Variants in TRPM3 observed in about 807,000 individuals in gnomAD.
TRPM3 encodes the protein long transient receptor potential channel 3.
A neutral mutation model predicts 181.2 loss-of-function variants in TRPM3; 77 were observed. The observed-to-expected ratio is 0.42, with a 90% CI of 0.35 to 0.51. TRPM3 has a LOEUF of 0.51. TRPM3 is among the 20% of genes least tolerant of loss of function. TRPM3 has a pLI of 0.01. For missense variants in TRPM3, 1,759 were observed against 2,196.7 expected, an observed-to-expected ratio of 0.80 and a Z score of 3.98; for synonymous variants, 745 against 796.4, an observed-to-expected ratio of 0.94 and a Z score of 1.09.
intron 1 of TRPM3, among the ~76,000 whole-genome samples, chr9:71,170,679 C>T (rs1181045573): frequency 2.0e-5 from 3 of 152,104 alleles, no homozygotes; most frequent in African/African-American, 7.2e-5. Flanking sequence ...CAATCAATAC[C>T]CTTGTGATTT....
chr9:70,638,206 A>G lies in TRPM3; in HGVS notation c.1581+854T>C, dbSNP rs1419589368. ...CTGGAGAATGGCAAAACAAGGTGCC[A>G]TTTTGGAAGCAAAAAGCAACCTTCG... is the stretch of plus-strand genomic sequence containing the variant. On this transcript the variant is annotated intron_variant, in intron 11 of 25. Coordinates refer to ENST00000677713, the MANE Select transcript of TRPM3 (RefSeq NM_001366145.2). Among the ~76,000 whole-genome samples, 6 of 152,230 alleles carry G rather than the reference A, an allele frequency of 3.9e-5. 1 individual carries two copies. The highest frequency in any genetic ancestry group is 1.4e-4 in the African/African-American group (6 of 41,562).
chr9:70,566,736 G>A (rs1378122456), intron 22 of TRPM3, among the ~76,000 whole-genome samples: 1 of 152,136 alleles, frequency 6.6e-6, no homozygotes, highest in Non-Finnish European at 1.5e-5. Context: ...TCTGAAGGCA[G>A]CTGAATGTTG....
At chr9:70,803,655 T>C (rs1473159421) in intron 6 of TRPM3, among the ~76,000 whole-genome samples, 4 of 152,028 alleles carry the variant, frequency 2.6e-5, no homozygotes, top group Middle Eastern at 3.4e-3. Context: ...TTTCACCGTG[T>C]TAGCCAGGAT....
intron 1 of TRPM3, among the ~76,000 whole-genome samples, chr9:71,361,170 A>C (rs2092128007): frequency 6.6e-6 from 1 of 152,102 alleles, no homozygotes; most frequent in African/African-American, 2.4e-5. Context: ...TATTGTTAGT[A>C]GAAACAGGGT....
chr9:70,932,638 G>C (rs2096786585), intron 1 of TRPM3, among the ~76,000 whole-genome samples: 1 of 152,180 alleles, frequency 6.6e-6, no homozygotes, highest in Admixed American at 6.6e-5. Context: ...GTAAGAGATT[G>C]ACAGGCTGAG....
chr9:71,438,764 G>A (rs1005365131), intron 1 of TRPM3, among the ~76,000 whole-genome samples: 3 of 152,120 alleles, frequency 2.0e-5, no homozygotes, highest in Admixed American at 2.0e-4. Context: ...TAATCTAGTG[G>A]GAGAGAGAAG....
At chr9:70,601,561 C>T (rs2059962396) in intron 20 of TRPM3, among the ~76,000 whole-genome samples, 1 of 152,168 alleles carries the variant, frequency 6.6e-6, no homozygotes, top group African/African-American at 2.4e-5. Flanking sequence ...GGTTGGGGCG[C>T]CGCCTCACTG....
At chr9:70,853,318 T>G (rs1564592507) in intron 3 of TRPM3, among the ~76,000 whole-genome samples, 1 of 152,224 alleles carries the variant, frequency 6.6e-6, no homozygotes, top group Non-Finnish European at 1.5e-5. Flanking sequence ...TCTCTAATTT[T>G]AATGTGCACA....
At chr9:70,690,605 C>T (rs2068238582) in intron 8 of TRPM3, among the ~76,000 whole-genome samples, 1 of 151,862 alleles carries the variant, frequency 6.6e-6, no homozygotes, top group South Asian at 2.1e-4. Context: ...TAGGGAGAAG[C>T]TAATGCAGTG....
intron 1 of TRPM3, among the ~76,000 whole-genome samples, chr9:71,199,731 AT>A (rs542581530): frequency 2.7e-4 from 41 of 149,598 alleles, no homozygotes; most frequent in Non-Finnish European, 5.5e-4. Flanking sequence ...CCCCTTTATC[AT>A]TTTTTTTGCG....
intron 1 of TRPM3, among the ~76,000 whole-genome samples, chr9:70,914,537 A>G (rs977318867): frequency 3.1e-4 from 47 of 152,170 alleles, no homozygotes; most frequent in African/African-American, 1.1e-3. Flanking sequence ...GTGTAGTGTG[A>G]TAATTAAAGG....
chr9:70,739,329 C>A (rs1014317892), intron 8 of TRPM3, among the ~76,000 whole-genome samples: 6 of 152,134 alleles, frequency 3.9e-5, no homozygotes, highest in Middle Eastern at 3.2e-3. Flanking sequence ...ACAACATATG[C>A]AAGTCGATAA....
intron 1 of TRPM3, among the ~76,000 whole-genome samples, chr9:71,262,863 A>G (rs1022816576): frequency 6.8e-6 from 1 of 146,888 alleles, no homozygotes; most frequent in African/African-American, 2.4e-5. Context: ...ACCAGTCCCA[A>G]TGAGATGAAC....
chr9:71,154,651 T>C (rs546240690), intron 1 of TRPM3, among the ~76,000 whole-genome samples: 8 of 152,180 alleles, frequency 5.3e-5, no homozygotes, highest in Non-Finnish European at 1.2e-4. Context: ...TGTGTTATAC[T>C]AGGAATTTGT....
At chr9:70,843,504 A>C (rs2094811661) in intron 4 of TRPM3, among the ~76,000 whole-genome samples, 2 of 151,624 alleles carry the variant, frequency 1.3e-5, no homozygotes, top group African/African-American at 4.9e-5. Flanking sequence ...TGTTAAAAGC[A>C]CCATGTATAA....
intron 1 of TRPM3, among the ~76,000 whole-genome samples, chr9:71,131,294 T>A (rs1018225670): frequency 2.0e-4 from 30 of 152,248 alleles, no homozygotes; most frequent in African/African-American, 7.2e-4. Flanking sequence ...TTATATGTGA[T>A]CTCCCTAGAG....
rs79110967 is a variant in TRPM3 at position 70,783,328 on chromosome 9, A to G, written c.1148+777T>C. ...GATTGGATTAGGAAGTTCCTTACTTAAAACATCAATGGCTTCCCTGGGTTT... is the reference window on the plus strand; with the variant it reads ...GATTGGATTAGGAAGTTCCTTACTTGAAACATCAATGGCTTCCCTGGGTTT... On this transcript the variant is annotated intron_variant, in intron 7 of 25. Transcript: ENST00000677713. Among the ~76,000 whole-genome samples, 359 of 152,324 alleles carry G rather than the reference A, an allele frequency of 2.4e-3. 2 individuals are homozygous for G. Among genetic ancestry groups the G allele is most frequent in the African/African-American group, 8.3e-3 (345 of 41,582 alleles).
At chr9:71,231,432 T>C (rs2081044151) in intron 1 of TRPM3, among the ~76,000 whole-genome samples, 1 of 152,106 alleles carries the variant, frequency 6.6e-6, no homozygotes, top group African/African-American at 2.4e-5. Context: ...AGCTAGAACA[T>C]GAAAATATAT....
rs530126701 is a variant in TRPM3 at position 70,983,759 on chromosome 9, T to G, written c.178-119248A>C. On this transcript the variant is annotated intron_variant, in intron 1 of 25. Transcript: ENST00000677713. ...GGGCATATATTTGACTGTTCAAAGT[T>G]GATCCTATCTTGAAAATGGGGGAAA... 4.6e-5 allele frequency among the ~76,000 whole-genome samples: 7 copies of G among 151,608 alleles called. No homozygotes were observed. The East Asian group carries it at 1.4e-3, about 29-fold the overall frequency.
Sources: gnomAD v4.1 joint callset for allele counts (sites outside exome capture counted in the v4.1 genomes callset) on GRCh38, gnomAD v4.1.1 for gene constraint, MANE v1.5 for transcripts, NCBI Gene and HGNC (gene_info 2026-07-23, HGNC 2026-07-21) for gene names.